The following PARP1 variants were observed in gnomAD, a reference collection of about 807,000 sequenced individuals.
PARP1 encodes poly [ADP-ribose] polymerase 1.
In PARP1, 44 loss-of-function variants were observed where a neutral mutation model predicts 118.7. The ratio of observed to expected loss-of-function variants is 0.37; its 90% CI spans 0.29 to 0.48. The LOEUF (loss-of-function observed/expected upper bound fraction) is 0.48, where lower values mean the gene tolerates loss of function less well. Ranked by LOEUF, PARP1 falls within the 20% of genes least tolerant of loss-of-function variation. PARP1 has a pLI of 0.99. For synonymous variants in PARP1, 492 were observed against 483.2 expected (o/e 1.02, Z -0.24); for missense variants, 1,100 against 1,272.4 (o/e 0.86, Z 2.06).
chr1:226,373,798 T>C (rs1022981082), intron 14 of PARP1, among the ~76,000 whole-genome samples: 2 of 152,118 alleles, frequency 1.3e-5, no homozygotes, highest in Non-Finnish European at 2.9e-5. Flanking sequence ...CTAATACACC[T>C]TGCCACAGCA....
intron 13 of PARP1, among the ~76,000 whole-genome samples, chr1:226,376,330 C>T (rs1395955702): frequency 6.6e-6 from 1 of 152,108 alleles, no homozygotes; most frequent in African/African-American, 2.4e-5. Flanking sequence ...AAAATGTCAA[C>T]CAATAGACAA....
Position 226,402,272 on chromosome 1 carries a change from C to T in PARP1, c.228G>A (p.Glu76=), listed in dbSNP as rs1383275805. The T allele has an allele frequency of 6.2e-7, 1 of 1,614,066 alleles. No individual in the cohort carries two copies. Among genetic ancestry groups the T allele is most frequent in the African/African-American group, 1.3e-5 (1 of 74,940 alleles). ...CTTTCTGCTGGTCATCCCACCGAAGCTCAGAGAACCCATCCACCTCAACGT... is the reference window on the plus strand; with the variant it reads ...CTTTCTGCTGGTCATCCCACCGAAGTTCAGAGAACCCATCCACCTCAACGT... The part of the protein sequence containing the change: ...HPDVEVDGFS[E]LRWDDQQKVK... Residue 76 remains glutamate, a synonymous_variant, in exon 2 of 23, where the codon GAG becomes GAA. Transcript: ENST00000366794.
At chr1:226,390,659 G>A (rs1341993688) in intron 3 of PARP1, 35 bp from the exon 4 acceptor site, 22 of 1,583,732 alleles carry the variant, frequency 1.4e-5, no homozygotes, top group South Asian at 3.3e-5. Context: ...CCAAGGGAGC[G>A]ACAAGCAAGG....
At chr1:226,402,482 T>A in intron 1 of PARP1, 103 bp from the exon 2 acceptor site, 5 of 1,096,416 alleles carry the variant, frequency 4.6e-6, no homozygotes, top group South Asian at 1.3e-5. Flanking sequence ...GCCCCAGCAG[T>A]GGGATAGCAC....
At chr1:226,404,636 C>T (rs552447529) in intron 1 of PARP1, among the ~76,000 whole-genome samples, 2 of 152,334 alleles carry the variant, frequency 1.3e-5, no homozygotes, top group East Asian at 3.9e-4. Flanking sequence ...TCAGCAGAAG[C>T]ACCCCTGACC....
At chr1:226,377,359 A>T (rs1332097012) in intron 12 of PARP1, 56 bp from the exon 13 acceptor site, 1 of 1,360,076 alleles carries the variant, frequency 7.4e-7, no homozygotes, top group Non-Finnish European at 1.1e-6. Flanking sequence ...GTCCCATTTC[A>T]GGAGCTCCCC....
At chr1:226,397,888 A>C (rs915250870) in intron 2 of PARP1, among the ~76,000 whole-genome samples, 1 of 152,146 alleles carries the variant, frequency 6.6e-6, no homozygotes, top group Non-Finnish European at 1.5e-5. Flanking sequence ...CTTTGACAAA[A>C]AAGTAAAGGC....
intron 14 of PARP1, chr1:226,370,734 C>T (rs1022669170): frequency 5.2e-5 from 32 of 610,342 alleles, no homozygotes; most frequent in African/African-American, 3.6e-4. Context: ...ACTTCCTTTA[C>T]GGCTGGGCTT....
intron 1 of PARP1, among the ~76,000 whole-genome samples, chr1:226,405,590 G>A (rs1247538545): frequency 2.0e-5 from 3 of 152,040 alleles, no homozygotes; most frequent in Non-Finnish European, 4.4e-5. Context: ...ACAAGCATGC[G>A]CCACCAAGCC....
intron 14 of PARP1, among the ~76,000 whole-genome samples, chr1:226,372,673 T>TCAAAC (rs141615498): frequency 0.22 from 32,676 of 151,606 alleles, 4,110 homozygotes; most frequent in African/African-American, 0.33. Context: ...AAACTCCGTC[T>TCAAAC]CAAACCAAAC....
chr1:226,399,168 G>A (rs1664980083), intron 2 of PARP1, among the ~76,000 whole-genome samples: 1 of 148,020 alleles, frequency 6.8e-6, no homozygotes, highest in Non-Finnish European at 1.5e-5. Flanking sequence ...CCGCCTCCCA[G>A]TACAACCAAT....
chr1:226,370,894 G>GT (rs1558234897), intron 14 of PARP1: 2 of 284,658 alleles, frequency 7.0e-6, no homozygotes, highest in Non-Finnish European at 1.4e-5. Flanking sequence ...CTTCCCTGGG[G>GT]TCCCAGAGCC....
chr1:226,397,621 T>C (rs1664950855), intron 2 of PARP1, among the ~76,000 whole-genome samples: 1 of 152,188 alleles, frequency 6.6e-6, no homozygotes, highest in Non-Finnish European at 1.5e-5. Context: ...TGAGTTCTCC[T>C]GAGATCTGGT....
chr1:226,365,294 G>A (rs2102727067), intron 18 of PARP1, 140 bp from the exon 19 acceptor site: 1 of 989,692 alleles, frequency 1.0e-6, no homozygotes, highest in Non-Finnish European at 1.5e-6. Context: ...AATGTAAAAA[G>A]TGTTTTCCAC....
At chr1:226,383,951 C>A (rs1224000701) in intron 7 of PARP1, among the ~76,000 whole-genome samples, 1 of 152,216 alleles carries the variant, frequency 6.6e-6, no homozygotes, top group Non-Finnish European at 1.5e-5. Flanking sequence ...GTGCTACCAA[C>A]CATAGTCTGG....
At chr1:226,395,995 G>A (rs1664908436) in intron 2 of PARP1, among the ~76,000 whole-genome samples, 2 of 152,150 alleles carry the variant, frequency 1.3e-5, no homozygotes, top group Admixed American at 1.3e-4. Context: ...CTGGATGATG[G>A]TAATGTTTGC....
At position 226,395,379 on chromosome 1, in the gene PARP1, T is replaced by C. The variant is rs576287400; in HGVS notation, c.287-3065A>G. On this transcript the variant is annotated intron_variant, in intron 2 of 22. Coordinates refer to ENST00000366794, the MANE Select transcript of PARP1 (RefSeq NM_001618.4). ...TTCATTATCATTATTATGAATATTA[T>C]GAATACCATTCATAATAGCCAAAAT... Among the ~76,000 whole-genome samples, 6 of 152,318 alleles carry C rather than the reference T, an allele frequency of 3.9e-5. No individual in the cohort carries two copies. In the East Asian group the frequency reaches 7.7e-4, roughly 20 times the overall value.
chr1:226,375,578 T>G (rs1664472247), intron 13 of PARP1, among the ~76,000 whole-genome samples: 1 of 152,146 alleles, frequency 6.6e-6, no homozygotes, highest in Non-Finnish European at 1.5e-5. Context: ...AGGTGCAAAA[T>G]ATACACCAGA....
intron 9 of PARP1, 76 bp downstream of exon 9, chr1:226,380,992 T>C: frequency 2.6e-6 from 4 of 1,539,848 alleles, no homozygotes; most frequent in Admixed American, 3.3e-5. Context: ...TGTTCGACTC[T>C]TCCTCACTTA....
Sources: gnomAD v4.1 joint callset for allele counts (sites outside exome capture counted in the v4.1 genomes callset) on GRCh38, gnomAD v4.1.1 for gene constraint, MANE v1.5 for transcripts, NCBI Gene and HGNC (gene_info 2026-07-23, HGNC 2026-07-21) for gene names.